Variants in PTPRK observed in about 807,000 individuals in gnomAD.
The protein encoded by PTPRK is protein tyrosine phosphatase receptor type K.
Under a neutral mutation model 178.0 loss-of-function variants are expected in PTPRK, and 75 were observed. That is an observed-to-expected ratio of 0.42 (90% confidence interval 0.35 to 0.51). The LOEUF (loss-of-function observed/expected upper bound fraction) is 0.51, where lower values mean the gene tolerates loss of function less well. PTPRK is among the 20% of genes least tolerant of loss of function. The pLI, the probability that PTPRK is intolerant of heterozygous loss-of-function variation, is 0.02. For missense variants in PTPRK, 1,441 were observed against 1,797.8 expected (o/e 0.80, Z 3.59); for synonymous variants, 637 against 620.6 (o/e 1.03, Z -0.39).
chr6:128,352,355 C>T (rs1833296588), intron 2 of PTPRK, among the ~76,000 whole-genome samples: 1 of 151,148 alleles, frequency 6.6e-6, no homozygotes, highest in Non-Finnish European at 1.5e-5. Context: ...CACTACTATA[C>T]AATATTAAGT....
intron 2 of PTPRK, among the ~76,000 whole-genome samples, chr6:128,367,426 G>A (rs1280753439): frequency 6.6e-6 from 1 of 152,060 alleles, no homozygotes; most frequent in Non-Finnish European, 1.5e-5. Context: ...AGTAGTAGAA[G>A]GCTCAAAGCC....
At chr6:128,346,552 C>T (rs749055308) in intron 2 of PTPRK, among the ~76,000 whole-genome samples, 6 of 152,044 alleles carry the variant, frequency 3.9e-5, no homozygotes, top group Non-Finnish European at 5.9e-5. Context: ...AGTTGCCTAA[C>T]AAATTAATCC....
intron 2 of PTPRK, among the ~76,000 whole-genome samples, chr6:128,327,352 T>C (rs1395192123): frequency 6.6e-6 from 1 of 152,206 alleles, no homozygotes; most frequent in Non-Finnish European, 1.5e-5. Context: ...TCAGTTCTTA[T>C]TTAAAATCTG....
intron 1 of PTPRK, among the ~76,000 whole-genome samples, chr6:128,418,599 C>T (rs1209839891): frequency 6.6e-6 from 1 of 152,122 alleles, no homozygotes; most frequent in Non-Finnish European, 1.5e-5. Flanking sequence ...AATCCCTCAC[C>T]CTCATCTGGG....
chr6:128,188,117 T>A (rs997361027), intron 6 of PTPRK, among the ~76,000 whole-genome samples: 1 of 152,156 alleles, frequency 6.6e-6, no homozygotes, highest in African/African-American at 2.4e-5. Context: ...AAATGAAGCA[T>A]GCAATCCCCA....
chr6:128,105,255 T>G (rs558921617), intron 7 of PTPRK, among the ~76,000 whole-genome samples: 3 of 151,480 alleles, frequency 2.0e-5, no homozygotes, highest in Non-Finnish European at 4.4e-5. Flanking sequence ...TGCCTCAGCC[T>G]CCGGAGTAGC....
At chr6:128,001,945 T>A (rs984244201) in intron 15 of PTPRK, among the ~76,000 whole-genome samples, 2 of 152,008 alleles carry the variant, frequency 1.3e-5, no homozygotes, top group Admixed American at 1.3e-4. Context: ...ATCTGATGTA[T>A]CCTTAATGAT....
Position 127,991,409 on chromosome 6 carries a change from T to C in PTPRK, c.2882-18A>G. ...AACGGGACCTACAAAGAAATTAATT[T>C]GAATATTATGTTATCAAAGGAATTT... On this transcript the variant is annotated intron_variant, in intron 19 of 29. Transcript: ENST00000368226. 1 of 1,537,578 alleles carries C rather than the reference T, an allele frequency of 6.5e-7. No individual in the cohort carries two copies.
At chr6:128,465,163 G>A (rs1401405983) in intron 1 of PTPRK, among the ~76,000 whole-genome samples, 1 of 151,634 alleles carries the variant, frequency 6.6e-6, no homozygotes, top group East Asian at 1.9e-4. Flanking sequence ...CCAGGGAAAG[G>A]TAGTGAAGAT....
intron 1 of PTPRK, among the ~76,000 whole-genome samples, chr6:128,477,962 C>T (rs530038040): frequency 2.0e-5 from 3 of 152,092 alleles, no homozygotes; most frequent in East Asian, 3.9e-4. Context: ...AATGAAGAGG[C>T]CTAGGATAGG....
In PTPRK at chr6:128,138,175, T is replaced by C. The variant is rs1211491860; in HGVS notation, c.1162+46257A>G. On this transcript the variant is annotated intron_variant, in intron 7 of 29. Coordinates refer to ENST00000368226, the MANE Select transcript of PTPRK (RefSeq NM_002844.4). ...TCCACGTGTTCTTGTTTAGATATTATGAAACAAAAGAGATACTGAACATGT... is the reference window on the plus strand; with the variant it reads ...TCCACGTGTTCTTGTTTAGATATTACGAAACAAAAGAGATACTGAACATGT... 2.0e-5 allele frequency among the ~76,000 whole-genome samples: 3 copies of C among 152,138 alleles called. No homozygotes were observed. In the East Asian group the frequency reaches 5.8e-4, roughly 29 times the overall value.
At chr6:128,168,328 A>G (rs1038944794) in intron 7 of PTPRK, among the ~76,000 whole-genome samples, 4 of 152,228 alleles carry the variant, frequency 2.6e-5, no homozygotes, top group South Asian at 2.1e-4. Flanking sequence ...GGTGGAAATG[A>G]AAGTTGAACA....
Position 128,344,409 on chromosome 6 carries a change from CA to C in PTPRK, c.224-22100del, listed in dbSNP as rs1190925200. ...CTAACAATTGGAGATCTGTGTTTAT[CA>C]AAATAATGTAAAACATAAGATGATA... On this transcript the variant is annotated intron_variant, in intron 2 of 29. Transcript: ENST00000368226. Among the ~76,000 whole-genome samples the C allele has an allele frequency of 5.3e-5, 8 of 152,234 alleles. No homozygotes were observed. In the East Asian group the frequency reaches 1.5e-3, roughly 29 times the overall value.
chr6:128,289,962 G>A (rs1240043251), intron 3 of PTPRK, among the ~76,000 whole-genome samples: 1 of 152,046 alleles, frequency 6.6e-6, no homozygotes, highest in Non-Finnish European at 1.5e-5. Flanking sequence ...GTAACTTCAG[G>A]ACAGTATTAT....
chr6:128,147,966 G>C (rs1030201512), intron 7 of PTPRK, among the ~76,000 whole-genome samples: 1 of 151,912 alleles, frequency 6.6e-6, no homozygotes, highest in African/African-American at 2.4e-5. Context: ...AGGTAAATTT[G>C]TATGATAGTA....
chr6:128,203,156 A>G (rs1472396220), intron 6 of PTPRK, among the ~76,000 whole-genome samples: 1 of 144,552 alleles, frequency 6.9e-6, no homozygotes, highest in Admixed American at 6.7e-5. Context: ...AGACAAAAAA[A>G]CAAAAACAAA....
intron 13 of PTPRK, among the ~76,000 whole-genome samples, chr6:128,045,758 A>G (rs11965270): frequency 0.022 from 3,341 of 152,198 alleles, 110 homozygotes; most frequent in African/African-American, 0.077. Context: ...TTTAAATATC[A>G]GGCACACACA....
intron 7 of PTPRK, among the ~76,000 whole-genome samples, chr6:128,166,064 T>C (rs1799350847): frequency 6.6e-6 from 1 of 151,616 alleles, no homozygotes; most frequent in Non-Finnish European, 1.5e-5. Flanking sequence ...GGCTTTAGTA[T>C]TAACTGTTCA....
At chr6:128,282,496 A>G (rs6927655) in intron 3 of PTPRK, among the ~76,000 whole-genome samples, 5,169 of 152,272 alleles carry the variant, frequency 0.034, 312 homozygotes, top group African/African-American at 0.12. Context: ...CAAGCTATCC[A>G]ACAGAGGTTT....
Sources: allele counts gnomAD v4.1 joint callset (sites outside exome capture counted in the v4.1 genomes callset), GRCh38; gene constraint gnomAD v4.1.1; transcripts MANE v1.5; gene names NCBI Gene and HGNC (gene_info 2026-07-23, HGNC 2026-07-21).